The following COL16A1 variants were observed in gnomAD, a reference collection of about 807,000 sequenced individuals.
COL16A1 encodes the protein collagen type XVI alpha 1 chain.
A neutral mutation model predicts 266.3 loss-of-function variants in COL16A1; 189 were observed. The observed-to-expected ratio is 0.71, with a 90% confidence interval of 0.63 to 0.80. The LOEUF is 0.80. Ranked by LOEUF, COL16A1 falls within the 30% of genes least tolerant of loss-of-function variation. The probability of loss-of-function intolerance (pLI) is 0.00; values close to 1 mark genes in which losing one functional copy is unlikely to be tolerated. For missense variants in COL16A1, 1,928 were observed against 2,122.4 expected (o/e 0.91, Z 1.80); for synonymous variants, 740 against 782.3 (o/e 0.95, Z 0.90).
chr1:31,673,653 G>A lies in COL16A1; in HGVS notation c.2860-813C>T, dbSNP rs147223286. ...CATTATCACATGCCATCTTGACGGC[G>A]CAGTGAGACAGGGAATCTTATAAGC... On this transcript the variant is annotated intron_variant, in intron 44 of 70. Transcript: ENST00000373672. 4.7e-3 allele frequency among the ~76,000 whole-genome samples: 718 copies of A among 152,382 alleles called. 4 individuals are homozygous for A. Among genetic ancestry groups the A allele is most frequent in the African/African-American group, 0.016 (652 of 41,590 alleles).
Position 31,668,076 on chromosome 1 carries a change from G to T in COL16A1, c.3303+89C>A. On this transcript the variant is annotated intron_variant, in intron 51 of 70. Transcript: ENST00000373672. The surrounding 1 kb of genome is among the most constrained non-coding windows in gnomAD (Gnocchi z 5.8). ...AATGCCCGGTAATGGGGAGCCCGCC[G>T]AGGGTTGCCCAGCCTGGCTGTGTCC... 8.4e-7 allele frequency: 1 copy of T among 1,196,872 alleles called. No homozygotes were observed. The highest frequency in any genetic ancestry group is 1.2e-6 in the Non-Finnish European group (1 of 831,826). 74.1% of individuals were successfully genotyped at this position (1,196,872 alleles called of 1,614,324 possible). A position where few individuals can be genotyped will look rare whatever the true frequency, so the allele number is the denominator to read the frequency against.
chr1:31,686,367 C>A (rs145898061), intron 26 of COL16A1, 88 bp from the exon 27 acceptor site: 1 of 1,551,568 alleles, frequency 6.4e-7, no homozygotes, highest in African/African-American at 1.4e-5. Flanking sequence ...AAAAGCAACC[C>A]CTTCAGATGT....
chr1:31,693,197 C>T, intron 12 of COL16A1, 43 bp from the exon 13 acceptor site: 1 of 1,333,150 alleles, frequency 7.5e-7, no homozygotes, highest in Non-Finnish European at 1.1e-6. Context: ...AGAGGGGGCA[C>T]ATGGGAGCCT....
At chr1:31,692,226 A>G (rs1376120445) in intron 16 of COL16A1, among the ~76,000 whole-genome samples, 159 bp from the exon 17 acceptor site, 1 of 152,134 alleles carries the variant, frequency 6.6e-6, no homozygotes, top group Non-Finnish European at 1.5e-5. Context: ...ACAACAGACC[A>G]GACAACAGGT....
At chr1:31,653,389 G>A in intron 70 of COL16A1, 1 of 560,608 alleles carries the variant, frequency 1.8e-6, no homozygotes, top group Non-Finnish European at 3.1e-6. Flanking sequence ...TGCTAGCCCA[G>A]TTTAGGACTT....
At chr1:31,682,820 T>C (rs1409900426) in intron 37 of COL16A1, 114 bp downstream of exon 37, 2 of 1,337,806 alleles carry the variant, frequency 1.5e-6, no homozygotes, top group South Asian at 1.4e-5. Flanking sequence ...GAGGCCTCTC[T>C]CCTCCCATCC....
At chr1:31,680,593 C>A (rs966753053) in intron 39 of COL16A1, among the ~76,000 whole-genome samples, 1 of 152,314 alleles carries the variant, frequency 6.6e-6, no homozygotes, top group South Asian at 2.1e-4. Context: ...TTTGAAAATG[C>A]AGCTGCCCTC....
In COL16A1 at chr1:31,672,480, G is replaced by A. The variant is rs201592828; in HGVS notation, c.3041C>T (p.Pro1014Leu). ...EARGDNSEGD[P>L]GCVGSPGLPG... ...TAGGCCTGGGCTCCCAACACAGCCA[G>A]GATCTCCCTCACTGTTGTCACCCTG... is the stretch of plus-strand genomic sequence containing the variant. Residue 1014 changes from proline (P) to leucine (L), a missense_variant, in exon 47 of 71, where the codon CCT becomes CTT. By Grantham distance (98) the Pro-to-Leu change is moderately conservative. Transcript: ENST00000373672. The A allele has an allele frequency of 3.8e-5, 61 of 1,614,058 alleles. No homozygotes were observed. Among genetic ancestry groups the A allele is most frequent in the Admixed American group, 1.3e-4 (8 of 59,990 alleles).
chr1:31,652,698 C>G lies in COL16A1; in HGVS notation c.4768G>C (p.Glu1590Gln), dbSNP rs1354484952. The G allele has an allele frequency of 5.6e-6, 9 of 1,605,916 alleles. No homozygotes were observed. The highest frequency in any genetic ancestry group is 6.8e-6 in the Non-Finnish European group (8 of 1,177,518). ...PSDCFGAMPM[E>Q]QQYPPMKTMK... is the part of the protein sequence containing the mutation. Reference sequence around the variant, plus strand: ...GTTTTCATGGGTGGGTACTGCTGCTCCATCGGCATGGCCCCAAAGCAGTCA... The same window carrying G: ...GTTTTCATGGGTGGGTACTGCTGCTGCATCGGCATGGCCCCAAAGCAGTCA... The change falls in exon 71 of 71, where the codon GAG becomes CAG. Residue 1590 changes from glutamate (E) to glutamine (Q), a missense_variant. Coordinates refer to ENST00000373672, the MANE Select transcript of COL16A1 (RefSeq NM_001856.4). The surrounding 1 kb of genome is among the most constrained non-coding windows in gnomAD (Gnocchi z 4.8).
Position 31,667,567 on chromosome 1 carries a change from G to T in COL16A1, c.3357+8C>A, listed in dbSNP as rs1336565444. 6.3e-7 allele frequency: 1 copy of T among 1,591,106 alleles called. No individual in the cohort carries two copies. The highest frequency in any genetic ancestry group is 2.3e-5 in the East Asian group (1 of 43,854). On this transcript the variant is annotated splice_region_variant and intron_variant, in intron 52 of 70. Coordinates refer to ENST00000373672, the MANE Select transcript of COL16A1 (RefSeq NM_001856.4). ...CCCTGCATCCAGCCCCACGCCGCTG[G>T]GACTCACCGGCTCTCCTTTCTCTCC...
rs750276060 is a variant in COL16A1 at position 31,679,502 on chromosome 1, AGAG to A, written c.2772+127_2772+129del. 12 of 1,613,822 alleles carry A rather than the reference AGAG, an allele frequency of 7.4e-6. No individual in the cohort carries two copies. In the East Asian group the frequency reaches 2.5e-4, roughly 33 times the overall value. ...TTGCCACCCTGGGAGGCAGGTAAAC[AGAG>A]GAGTGAGAAATGGCATGTCTGTGTT... On this transcript the variant is annotated intron_variant, in intron 42 of 70. Transcript: ENST00000373672.
At position 31,672,797 on chromosome 1, in the gene COL16A1, C is replaced by T; in HGVS notation, c.2903G>A (p.Gly968Glu). ...CTTCTCTCCCTTCTCCACGAGGTACCCTGGGTGGGCCCTCTGCCCCTGGAC... is the reference window on the plus strand; with the variant it reads ...CTTCTCTCCCTTCTCCACGAGGTACTCTGGGTGGGCCCTCTGCCCCTGGAC... ...DCVQGQRAHPGYLVEKGEKGD... is the reference protein window; with the variant it reads ...DCVQGQRAHPEYLVEKGEKGD... The change falls in exon 45 of 71, where the codon GGG becomes GAG. Residue 968 changes from glycine (G) to glutamate (E), a missense_variant. Physicochemically the swap from Gly to Glu is moderately conservative, Grantham distance 98. Coordinates refer to ENST00000373672, the MANE Select transcript of COL16A1 (RefSeq NM_001856.4). The T allele has an allele frequency of 6.2e-7, 1 of 1,614,134 alleles. No homozygotes were observed. Among genetic ancestry groups the T allele is most frequent in the Non-Finnish European group, 8.5e-7 (1 of 1,179,966 alleles).
At position 31,656,379 on chromosome 1, in the gene COL16A1, G is replaced by A. The variant is rs901035054; in HGVS notation, c.4101+21C>T. 4 of 1,612,970 alleles carry A rather than the reference G, an allele frequency of 2.5e-6. No individual in the cohort carries two copies. Among genetic ancestry groups the A allele is most frequent in the Non-Finnish European group, 1.7e-6 (2 of 1,179,698 alleles). On this transcript the variant is annotated intron_variant, in intron 66 of 70. Coordinates refer to ENST00000373672, the MANE Select transcript of COL16A1 (RefSeq NM_001856.4). The surrounding 1 kb of genome is among the most constrained non-coding windows in gnomAD (Gnocchi z 4.2). ...TCCACTCGTGAGCTTCTCCTCTCAA[G>A]CCCAGCCAGTGCCCACTCACCTTGG...
chr1:31,682,824 C>T, intron 37 of COL16A1, 110 bp downstream of exon 37: 2 of 1,391,988 alleles, frequency 1.4e-6, no homozygotes, highest in Non-Finnish European at 9.9e-7. Context: ...CCTCTCTCCT[C>T]CCATCCCCTG....
chr1:31,658,051 C>T (rs1186085186), intron 64 of COL16A1, among the ~76,000 whole-genome samples: 6 of 152,232 alleles, frequency 3.9e-5, no homozygotes, highest in Non-Finnish European at 8.8e-5. Context: ...CGGCACACAT[C>T]GGTGACCGAT....
chr1:31,689,398 T>A, intron 23 of COL16A1: 1 of 570,086 alleles, frequency 1.8e-6, no homozygotes, highest in Non-Finnish European at 3.1e-6. Context: ...GCTAACCCAG[T>A]CCTGCTCACT....
At position 31,654,838 on chromosome 1, in the gene COL16A1, A is replaced by C. The variant is rs1323607933; in HGVS notation, c.4311T>G (p.Asp1437Glu). 1 of 1,614,108 alleles carries C rather than the reference A, an allele frequency of 6.2e-7. No individual in the cohort carries two copies. Residue 1437 changes from aspartate (D) to glutamate (E), a missense_variant, in exon 68 of 71, where the codon GAT (aspartate) becomes GAG (glutamate). This residue lies in a region of COL16A1 where 376 missense variants were observed against 485.2 expected (regional missense o/e 0.77). Transcript: ENST00000373672. ...CTTGTCTGATGAACCTCTTGATTTC[A>C]TCATAATTCACCATGTCTCCCTGAA... ...PGSMGDMVNY[D>E]EIKRFIRQEI...
intron 37 of COL16A1, among the ~76,000 whole-genome samples, chr1:31,681,541 T>C (rs746915256): frequency 2.6e-5 from 4 of 152,210 alleles, no homozygotes; most frequent in Admixed American, 2.6e-4. Flanking sequence ...TCCAAGAAAT[T>C]GGAGACTTTG....
At chr1:31,654,683 T>TGA (rs1471193532) in intron 68 of COL16A1, 109 bp downstream of exon 68, 4 of 1,587,746 alleles carry the variant, frequency 2.5e-6, no homozygotes, top group Non-Finnish European at 2.6e-6. Context: ...GTGTGGAGGG[T>TGA]GAGAGCAGGA....
Sources: gnomAD v4.1 joint callset for allele counts (sites outside exome capture counted in the v4.1 genomes callset) on GRCh38, gnomAD v4.1.1 for gene constraint, gnomAD v4.1.1 regional missense constraint, Gnocchi (gnomAD v3.1) non-coding constraint, MANE v1.5 for transcripts, NCBI Gene and HGNC (gene_info 2026-07-23, HGNC 2026-07-21) for gene names.